Variants in ZPLD1 observed in about 807,000 individuals in gnomAD.
ZPLD1 encodes zona pellucida like domain containing 1.
ZPLD1 carries 34 observed loss-of-function variants against 47.2 expected under a neutral mutation model. That is an observed-to-expected ratio of 0.72 (90% CI 0.55 to 0.96). The LOEUF (loss-of-function observed/expected upper bound fraction) is 0.96. Among genes scored for constraint, ZPLD1 ranks in the 40% least tolerant of loss-of-function variants. The pLI is 0.00. For synonymous variants in ZPLD1, 176 were observed against 186.2 expected (o/e 0.95, Z 0.45); for missense variants, 512 against 505.8 (o/e 1.01, Z -0.12).
intron 10 of ZPLD1, among the ~76,000 whole-genome samples, chr3:102,476,775 G>T (rs539554322): frequency 6.6e-6 from 1 of 152,198 alleles, no homozygotes; most frequent in African/African-American, 2.4e-5. Flanking sequence ...GGCAGGGGTA[G>T]GATGTGGGCT....
intron 3 of ZPLD1, among the ~76,000 whole-genome samples, chr3:102,448,741 A>G (rs1329346806): frequency 6.6e-6 from 1 of 152,254 alleles, no homozygotes; most frequent in East Asian, 1.9e-4. Context: ...GGTCACAGTA[A>G]TCATTTGCCA....
At chr3:102,419,028 G>A (rs2077006749) in intron 8 of ZPLD1, among the ~76,000 whole-genome samples, 1 of 151,776 alleles carries the variant, frequency 6.6e-6, no homozygotes. Context: ...TAATCTTTTT[G>A]GTTTTCAGGG....
chr3:102,447,508 G>T (rs868560047), intron 3 of ZPLD1, among the ~76,000 whole-genome samples: 5 of 152,216 alleles, frequency 3.3e-5, no homozygotes, highest in Admixed American at 2.0e-4. Context: ...AAATTTTGGA[G>T]TGTTGCCATC....
At chr3:102,467,377 C>T (rs1026607779) in intron 8 of ZPLD1, among the ~76,000 whole-genome samples, 5 of 151,892 alleles carry the variant, frequency 3.3e-5, no homozygotes, top group Admixed American at 6.6e-5. Flanking sequence ...AAAGATAAGC[C>T]GGGAATCAAC....
intron 7 of ZPLD1, among the ~76,000 whole-genome samples, chr3:102,415,190 C>T (rs1706791410): frequency 6.6e-6 from 1 of 151,728 alleles, no homozygotes; most frequent in South Asian, 2.1e-4. Context: ...ATAAGAGTAT[C>T]TCGACTACAA....
chr3:102,400,534 A>G (rs990279810), intron 7 of ZPLD1, among the ~76,000 whole-genome samples: 3 of 152,016 alleles, frequency 2.0e-5, no homozygotes, highest in Non-Finnish European at 2.9e-5. Flanking sequence ...CCATGCTCAG[A>G]AGGGCTAGCA....
intron 6 of ZPLD1, 83 bp from the exon 7 acceptor site, chr3:102,462,198 C>T (rs1164479362): frequency 2.6e-6 from 2 of 769,334 alleles, no homozygotes; most frequent in Non-Finnish European, 4.1e-6. Context: ...TTTCTTTTTT[C>T]TCTCTCTAAT....
chr3:102,451,872 T>A (rs1707341292), intron 3 of ZPLD1, among the ~76,000 whole-genome samples: 1 of 152,170 alleles, frequency 6.6e-6, no homozygotes. Flanking sequence ...ACCCCAGTAT[T>A]ACCTCATCTT....
chr3:102,398,910 G>C (rs754595955), intron 7 of ZPLD1, among the ~76,000 whole-genome samples: 12 of 151,736 alleles, frequency 7.9e-5, no homozygotes, highest in Non-Finnish European at 1.6e-4. Flanking sequence ...ACATATGCAC[G>C]CACACACTTT....
chr3:102,475,052 A>G (rs185909827), intron 10 of ZPLD1, among the ~76,000 whole-genome samples: 4 of 151,990 alleles, frequency 2.6e-5, no homozygotes, highest in African/African-American at 9.6e-5. Flanking sequence ...CAACTAGATA[A>G]AGCAATTCTC....
intron 7 of ZPLD1, chr3:102,392,286 TG>T (rs1706504724): frequency 6.6e-6 from 1 of 152,192 alleles, no homozygotes; most frequent in Non-Finnish European, 1.5e-5. Context: ...ACCACCACTG[TG>T]TTAATACATT....
upstream of ZPLD1, among the ~76,000 whole-genome samples, chr3:102,433,012 A>G (rs573078667): frequency 2.6e-5 from 4 of 152,246 alleles, no homozygotes; most frequent in South Asian, 8.3e-4. Flanking sequence ...TATACTCTAT[A>G]TTTTACTTGT....
chr3:102,402,567 G>T (rs1246226606), intron 7 of ZPLD1, among the ~76,000 whole-genome samples: 1 of 152,006 alleles, frequency 6.6e-6, no homozygotes, highest in African/African-American at 2.4e-5. Context: ...AGTCCAAGTA[G>T]CTCAGTCTAT....
intron 3 of ZPLD1, among the ~76,000 whole-genome samples, chr3:102,451,109 A>T (rs1480952833): frequency 6.6e-6 from 1 of 152,184 alleles, no homozygotes; most frequent in Non-Finnish European, 1.5e-5. Context: ...ATGAGTTTAA[A>T]CTTATTACAA....
At chr3:102,428,798 A>G (rs1706982344) in intron 8 of ZPLD1, among the ~76,000 whole-genome samples, 2 of 151,754 alleles carry the variant, frequency 1.3e-5, no homozygotes, top group South Asian at 2.1e-4. Flanking sequence ...TCAGTTTTAC[A>G]TAAGAAGTTT....
chr3:102,412,925 A>G (rs977786887), intron 7 of ZPLD1, among the ~76,000 whole-genome samples: 2 of 151,712 alleles, frequency 1.3e-5, no homozygotes, highest in Admixed American at 6.6e-5. Context: ...TTGAGGGCGT[A>G]TTGGATTAAT....
chr3:102,452,002 T>G (rs1278559414), intron 3 of ZPLD1, among the ~76,000 whole-genome samples: 1 of 152,018 alleles, frequency 6.6e-6, no homozygotes, highest in Non-Finnish European at 1.5e-5. Flanking sequence ...CCAAAACTGA[T>G]GAATGTAAAA....
intron 6 of ZPLD1, among the ~76,000 whole-genome samples, chr3:102,385,667 T>C (rs1433966141): frequency 6.6e-6 from 1 of 152,226 alleles, no homozygotes; most frequent in Admixed American, 6.5e-5. Context: ...TTCTGAACCT[T>C]AACAAAGTTA....
At position 102,422,149 on chromosome 3, in the gene ZPLD1, A is replaced by C. The variant is rs141484582; in HGVS notation, c.-9+3942A>C. ...TAGCAAGATAATCATTCATTTAACA[A>C]ACATTACTTGAAAATCTGCAGTGGA... On this transcript the variant is annotated intron_variant, in intron 8 of 17. Coordinates refer to the ZPLD1 transcript ENST00000491959. Among the ~76,000 whole-genome samples, 202 of 152,162 alleles carry C rather than the reference A, an allele frequency of 1.3e-3. 1 individual carries two copies. The highest frequency in any genetic ancestry group is 0.01 in the Middle Eastern group (3 of 294).
Sources: gnomAD v4.1 joint callset for allele counts (sites outside exome capture counted in the v4.1 genomes callset) on GRCh38, gnomAD v4.1.1 for gene constraint, MANE v1.5 for transcripts, NCBI Gene and HGNC (gene_info 2026-07-23, HGNC 2026-07-21) for gene names.